The following CHRM3 variants were observed in gnomAD, a reference collection of about 807,000 sequenced individuals.
The protein encoded by CHRM3 is cholinergic receptor muscarinic 3.
CHRM3 carries 11 observed loss-of-function variants against 41.8 expected under a neutral mutation model. The ratio of observed to expected loss-of-function variants is 0.26; its 90% CI spans 0.17 to 0.44. The LOEUF is 0.44. Among genes scored for constraint, CHRM3 ranks in the 20% least tolerant of loss-of-function variants. CHRM3 has a pLI of 1.00. For missense variants in CHRM3, 571 were observed against 745.4 expected (o/e 0.77, Z 2.72); for synonymous variants, 297 against 301.4 (o/e 0.99, Z 0.15).
chr1:239,808,299 A>G (rs573103065), intron 5 of CHRM3, among the ~76,000 whole-genome samples: 1 of 152,264 alleles, frequency 6.6e-6, no homozygotes, highest in African/African-American at 2.4e-5. Context: ...GGCAGAGTAA[A>G]TCAGTACAGC....
intron 1 of CHRM3, among the ~76,000 whole-genome samples, chr1:239,397,808 TA>T (rs1287419627): frequency 6.7e-6 from 1 of 150,342 alleles, no homozygotes; most frequent in African/African-American, 2.4e-5. Flanking sequence ...AATTTTAGTG[TA>T]TTTAATAAAA....
intron 3 of CHRM3, among the ~76,000 whole-genome samples, chr1:239,566,500 T>G (rs1661376576): frequency 6.6e-6 from 1 of 152,218 alleles, no homozygotes; most frequent in South Asian, 2.1e-4. Flanking sequence ...ATCTTTTGTA[T>G]CAGAGTTGTT....
chr1:239,539,475 A>T (rs964545523), intron 2 of CHRM3, among the ~76,000 whole-genome samples: 2 of 151,436 alleles, frequency 1.3e-5, no homozygotes, highest in African/African-American at 4.8e-5. Context: ...TTTTGCAGCA[A>T]TTACTTTTGT....
intron 5 of CHRM3, among the ~76,000 whole-genome samples, chr1:239,802,234 A>G (rs568593306): frequency 4.3e-4 from 66 of 152,300 alleles, no homozygotes; most frequent in African/African-American, 1.6e-3. Context: ...AAAACCTTGA[A>G]TTTTATCTCT....
chr1:239,672,715 T>C (rs1286116344), intron 4 of CHRM3, among the ~76,000 whole-genome samples: 1 of 151,942 alleles, frequency 6.6e-6, no homozygotes, highest in Non-Finnish European at 1.5e-5. Context: ...TGAATTACAT[T>C]TAACTTTGTG....
chr1:239,898,336 T>C, intron 6 of CHRM3: 1 of 152,212 alleles, frequency 6.6e-6, no homozygotes, highest in East Asian at 1.9e-4. Context: ...ACCTAGTGGT[T>C]TGATGTGGTA....
intron 3 of CHRM3, chr1:239,629,159 G>C (rs1403729603): frequency 7.0e-6 from 1 of 143,322 alleles, no homozygotes; most frequent in African/African-American, 2.6e-5. Flanking sequence ...GCGAGACTCC[G>C]TGGGCGTAGG....
chr1:239,600,700 C>T (rs2148684927), intron 3 of CHRM3, among the ~76,000 whole-genome samples: 1 of 151,118 alleles, frequency 6.6e-6, no homozygotes, highest in South Asian at 2.1e-4. Flanking sequence ...TTCTCCCTTT[C>T]CTCCCCTTCC....
intron 6 of CHRM3, among the ~76,000 whole-genome samples, chr1:239,860,746 T>G: frequency 6.6e-6 from 1 of 152,192 alleles, no homozygotes; most frequent in East Asian, 1.9e-4. Context: ...AATGTCAGAT[T>G]TTGGAGCATT....
chr1:239,481,616 A>G (rs1238919550), intron 1 of CHRM3, among the ~76,000 whole-genome samples: 4 of 152,346 alleles, frequency 2.6e-5, no homozygotes, highest in Middle Eastern at 3.4e-3. Flanking sequence ...GACGTTGGTC[A>G]TGTTGAAGAG....
In CHRM3 at chr1:239,625,768, T is replaced by G. The variant is rs1412857490; in HGVS notation, c.-312-6456T>G. 1.4e-3 allele frequency among the ~76,000 whole-genome samples: 62 copies of G among 43,996 alleles called. 21 individuals carry two copies. Among genetic ancestry groups the G allele is most frequent in the Admixed American group, 2.0e-3 (10 of 4,894 alleles). 28.9% of individuals were successfully genotyped at this position (43,996 alleles called of 152,430 possible). A position where few individuals can be genotyped will look rare whatever the true frequency, so the allele number is the denominator to read the frequency against. On this transcript the variant is annotated intron_variant, in intron 3 of 6. Coordinates refer to ENST00000676153, the MANE Select transcript of CHRM3 (RefSeq NM_001375978.1). ...CATCTATTGAGATAATCATGTGGTT[T>G]TTGTGTTTGGCTCTGTTTATATGCT...
chr1:239,580,704 TAC>T lies in CHRM3; in HGVS notation c.-313+34983_-313+34984del, dbSNP rs1553332738. 2.8e-3 allele frequency among the ~76,000 whole-genome samples: 371 copies of T among 130,992 alleles called. 8 individuals are homozygous for T. Among genetic ancestry groups the T allele is most frequent in the African/African-American group, 9.1e-3 (319 of 34,946 alleles). The allele number at this position is 130,992 out of a possible 152,430, so 85.9% of individuals were successfully genotyped here. ...TTGCCCAATTTTATATATATATATA[TAC>T]ACACACACACACACACACACACACA... On this transcript the variant is annotated intron_variant, in intron 3 of 6. Transcript: ENST00000676153.
At chr1:239,428,216 G>T (rs944473859) in intron 1 of CHRM3, among the ~76,000 whole-genome samples, 6 of 152,198 alleles carry the variant, frequency 3.9e-5, no homozygotes, top group Non-Finnish European at 8.8e-5. Context: ...TAAAGAAGTA[G>T]CCTGCTCCTT....
intron 1 of CHRM3, among the ~76,000 whole-genome samples, chr1:239,440,497 C>T (rs1367912789): frequency 6.6e-6 from 1 of 152,036 alleles, no homozygotes; most frequent in Non-Finnish European, 1.5e-5. Context: ...AGACAAGAGA[C>T]CAGAAAATGC....
intron 5 of CHRM3, among the ~76,000 whole-genome samples, chr1:239,801,204 A>T (rs1328014967): frequency 6.6e-6 from 1 of 152,198 alleles, no homozygotes; most frequent in African/African-American, 2.4e-5. Flanking sequence ...ACTATTGTTG[A>T]TCCAATTTTG....
At chr1:239,820,503 T>A (rs1671950917) in intron 5 of CHRM3, among the ~76,000 whole-genome samples, 1 of 152,218 alleles carries the variant, frequency 6.6e-6, no homozygotes, top group South Asian at 2.1e-4. Flanking sequence ...TATTGTTTTC[T>A]TCTATGATAG....
intron 3 of CHRM3, among the ~76,000 whole-genome samples, chr1:239,603,079 C>G (rs1665807852): frequency 7.6e-6 from 1 of 130,782 alleles, no homozygotes; most frequent in Admixed American, 8.9e-5. Flanking sequence ...TTCAACTGCT[C>G]TAGATACTTC....
At position 239,907,975 on chromosome 1, in the gene CHRM3, C is replaced by T. The variant is rs760535785; in HGVS notation, c.524C>T (p.Thr175Met). Residue 175 changes from threonine (T) to methionine (M), a missense_variant, in exon 7 of 7, where the codon ACG becomes ATG. Physicochemically the swap from Thr to Met is moderately conservative, Grantham distance 81. This residue lies in a region of CHRM3 where 153 missense variants were observed against 296.3 expected (regional missense o/e 0.52). Transcript: ENST00000676153. This position sits in a 1 kb window ranked among gnomAD's most constrained non-coding sequence, Gnocchi z 5.4. ...TACTTTTCCATCACGAGGCCGCTCA[C>T]GTACCGAGCCAAACGAACAACAAAG... ...DRYFSITRPL[T>M]YRAKRTTKRA... The T allele has an allele frequency of 1.1e-5, 17 of 1,614,190 alleles. 1 individual carries two copies. The highest frequency in any genetic ancestry group is 2.2e-5 in the South Asian group (2 of 91,082).
chr1:239,414,834 A>G (rs60707729), intron 1 of CHRM3, among the ~76,000 whole-genome samples: 3,404 of 152,332 alleles, frequency 0.022, 102 homozygotes, highest in African/African-American at 0.078. Flanking sequence ...ATTTATTGGT[A>G]AAAATACCAA....
Sources: gnomAD v4.1 joint callset for allele counts (sites outside exome capture counted in the v4.1 genomes callset) on GRCh38, gnomAD v4.1.1 for gene constraint, gnomAD v4.1.1 regional missense constraint, Gnocchi (gnomAD v3.1) non-coding constraint, MANE v1.5 for transcripts, NCBI Gene and HGNC (gene_info 2026-07-23, HGNC 2026-07-21) for gene names.